SV2C: variants seen among roughly 807,000 people sequenced by gnomAD.
SV2C encodes synaptic vesicle glycoprotein 2C, also known as solute carrier family 22 member B3.
SV2C carries 49 observed loss-of-function variants against 79.7 expected under a neutral mutation model. That is an observed-to-expected ratio of 0.61 (90% CI 0.49 to 0.78). The LOEUF (loss-of-function observed/expected upper bound fraction) is 0.78, where lower values mean the gene tolerates loss of function less well. Among genes scored for constraint, SV2C ranks in the 30% least tolerant of loss-of-function variants. SV2C has a pLI of 0.00. For synonymous variants in SV2C, 334 were observed against 333.2 expected, an observed-to-expected ratio of 1.00 and a Z score of -0.03; for missense variants, 833 against 912.9, an observed-to-expected ratio of 0.91 and a Z score of 1.13.
At chr5:76,003,069 G>T in the SV2C span, among the ~76,000 whole-genome samples, 69,179 of 151,746 alleles carry the variant, frequency 0.46, 16,646 homozygotes, top group Middle Eastern at 0.62. Flanking sequence ...AAGATCTGAT[G>T]GTTTTATAAA....
chr5:75,949,507 T>G, the SV2C span, among the ~76,000 whole-genome samples: 3 of 152,026 alleles, frequency 2.0e-5, no homozygotes, highest in African/African-American at 4.8e-5. Flanking sequence ...TCACCTTCAA[T>G]TGTAGCTCCT....
the SV2C span, among the ~76,000 whole-genome samples, chr5:76,006,024 C>A: frequency 6.6e-6 from 1 of 152,168 alleles, no homozygotes. Context: ...TAAACAGAGA[C>A]AGCGTCTGTT....
the SV2C span, among the ~76,000 whole-genome samples, chr5:76,025,928 G>C: frequency 6.6e-6 from 1 of 152,148 alleles, no homozygotes; most frequent in African/African-American, 2.4e-5. Flanking sequence ...TCAGAAGTTT[G>C]TCTGGATGAC....
rs113061927 is a variant in SV2C at position 76,275,486 on chromosome 5, C to CAAA, written c.914-9664_914-9662dup. 2.5e-3 allele frequency among the ~76,000 whole-genome samples: 299 copies of CAAA among 118,132 alleles called. 2 individuals carry two copies. The highest frequency in any genetic ancestry group is 8.4e-3 in the African/African-American group (290 of 34,590). The allele number at this position is 118,132 out of a possible 152,430, so 77.5% of individuals were successfully genotyped here. On this transcript the variant is annotated intron_variant, in intron 4 of 12. Transcript: ENST00000502798. Reference sequence around the variant, plus strand: ...TGGGCAACAGAGCGAAAGTCTGTCTCAAAAAAAAAAAAAACGAACACAAAC... The same window carrying CAAA: ...TGGGCAACAGAGCGAAAGTCTGTCTCAAAAAAAAAAAAAAAAACGAACACAAAC...
At chr5:76,030,281 T>TATTTATTTATTTATTTATTTA in the SV2C span, among the ~76,000 whole-genome samples, 1 of 113,370 alleles carries the variant, frequency 8.8e-6, no homozygotes, top group African/African-American at 4.3e-5. Context: ...TTTTTTTTTT[T>TATTTATTTATTTATTTATTTA]TTTTTTTTTT....
chr5:75,883,515 T>G, the SV2C span, among the ~76,000 whole-genome samples: 11 of 145,580 alleles, frequency 7.6e-5, no homozygotes, highest in East Asian at 2.2e-3. Context: ...GCCATAAAAA[T>G]GATGAGTTCA....
intron 1 of SV2C, among the ~76,000 whole-genome samples, chr5:76,106,939 C>T (rs1327245177): frequency 1.3e-5 from 2 of 152,198 alleles, no homozygotes; most frequent in African/African-American, 4.8e-5. Flanking sequence ...GTCATTGTTG[C>T]ATCCCAAGTG....
the SV2C span, among the ~76,000 whole-genome samples, chr5:75,904,369 A>AAAAACAAAACAAAAC: frequency 1.4e-3 from 206 of 149,146 alleles, 1 homozygote; most frequent in African/African-American, 5.1e-3. Context: ...CAGTCCTCAA[A>AAAAACAAAACAAAAC]AAAACAAAAC....
At chr5:76,317,377 A>C (rs1372746996) in intron 12 of SV2C, among the ~76,000 whole-genome samples, 4 of 152,080 alleles carry the variant, frequency 2.6e-5, no homozygotes, top group Admixed American at 6.6e-5. Context: ...CAATTATTTA[A>C]CTGAGTTGTC....
the SV2C span, among the ~76,000 whole-genome samples, chr5:76,020,234 A>G: frequency 6.6e-6 from 1 of 152,186 alleles, no homozygotes; most frequent in African/African-American, 2.4e-5. Context: ...GGGGCTGTGA[A>G]GAATAACGGA....
chr5:75,993,585 G>A, the SV2C span, among the ~76,000 whole-genome samples: 1 of 151,984 alleles, frequency 6.6e-6, no homozygotes. Flanking sequence ...ACTTAAGAAG[G>A]CACGTCCCCA....
At position 76,277,404 on chromosome 5, in the gene SV2C, A is replaced by T. The variant is rs934770650; in HGVS notation, c.914-7758A>T. On this transcript the variant is annotated intron_variant, in intron 4 of 12. Coordinates refer to ENST00000502798, the MANE Select transcript of SV2C (RefSeq NM_014979.4). ...TGATATATTTACACAACGGAATACTACAACACAATGAAAAAGAACAAACCA... is the reference window on the plus strand; with the variant it reads ...TGATATATTTACACAACGGAATACTTCAACACAATGAAAAAGAACAAACCA... Among the ~76,000 whole-genome samples, 7 of 152,254 alleles carry T rather than the reference A, an allele frequency of 4.6e-5. 1 individual carries two copies. The highest frequency in any genetic ancestry group is 3.9e-4 in the Admixed American group (6 of 15,288).
intron 12 of SV2C, among the ~76,000 whole-genome samples, chr5:76,308,578 C>T (rs1197878947): frequency 2.0e-5 from 3 of 152,158 alleles, no homozygotes; most frequent in South Asian, 2.1e-4. Flanking sequence ...CTGCCGTTTT[C>T]CTGGTCCTTG....
At chr5:75,870,035 A>T in the SV2C span, among the ~76,000 whole-genome samples, 1 of 152,132 alleles carries the variant, frequency 6.6e-6, no homozygotes, top group Non-Finnish European at 1.5e-5. Context: ...CAAGAAGGAC[A>T]GGTACAAACA....
intron 1 of SV2C, among the ~76,000 whole-genome samples, chr5:76,099,703 C>A (rs1372650211): frequency 1.3e-5 from 2 of 152,166 alleles, no homozygotes; most frequent in Non-Finnish European, 2.9e-5. Flanking sequence ...GCCTGTAGGA[C>A]ATTTGGGTTT....
the SV2C span, among the ~76,000 whole-genome samples, chr5:75,852,561 T>A: frequency 1.3e-5 from 2 of 152,132 alleles, no homozygotes; most frequent in African/African-American, 4.8e-5. Flanking sequence ...AGTAAAAATA[T>A]TCTTCAAACA....
At chr5:75,934,383 T>A in the SV2C span, among the ~76,000 whole-genome samples, 1 of 142,582 alleles carries the variant, frequency 7.0e-6, no homozygotes, top group East Asian at 2.2e-4. Context: ...GCCTCCCTGA[T>A]TCAAATGATT....
At chr5:76,195,721 C>T (rs1744252657) in intron 3 of SV2C, among the ~76,000 whole-genome samples, 1 of 151,996 alleles carries the variant, frequency 6.6e-6, no homozygotes, top group Non-Finnish European at 1.5e-5. Context: ...CATAGAAAAA[C>T]CTAATAGCTG....
chr5:75,949,934 T>A, the SV2C span, among the ~76,000 whole-genome samples: 1 of 152,004 alleles, frequency 6.6e-6, no homozygotes, highest in Non-Finnish European at 1.5e-5. Context: ...TGGATATTGT[T>A]GTAAGAAAAA....
Sources: allele counts gnomAD v4.1 joint callset (sites outside exome capture counted in the v4.1 genomes callset), GRCh38; gene constraint gnomAD v4.1.1; transcripts MANE v1.5; gene names NCBI Gene and HGNC (gene_info 2026-07-23, HGNC 2026-07-21).